HEATR1: variants seen among roughly 807,000 people sequenced by gnomAD.
HEATR1 encodes the protein HEAT repeat-containing protein 1.
HEATR1 carries 77 observed loss-of-function variants against 248.2 expected under a neutral mutation model. That is an observed-to-expected ratio of 0.31 (90% CI 0.26 to 0.37). The LOEUF is 0.37. HEATR1 is among the 10% of genes least tolerant of loss of function. The pLI is 1.00. For missense variants in HEATR1, 2,420 were observed against 2,504.9 expected (o/e 0.97, Z 0.72); for synonymous variants, 897 against 923.1 (o/e 0.97, Z 0.51).
intron 20 of HEATR1, 23 bp from the exon 21 acceptor site, chr1:236,576,972 T>C (rs1364993353): frequency 6.5e-7 from 1 of 1,529,420 alleles, no homozygotes; most frequent in African/African-American, 1.4e-5. Flanking sequence ...GAAAAAAAAA[T>C]TTAAGAAACA....
chr1:236,591,261 T>C (rs561497900), intron 11 of HEATR1, among the ~76,000 whole-genome samples: 1 of 152,298 alleles, frequency 6.6e-6, no homozygotes, highest in South Asian at 2.1e-4. Context: ...TCACCTAAGA[T>C]AAATCCCTGT....
In HEATR1 at chr1:236,559,110, G is replaced by A. The variant is rs771127536; in HGVS notation, c.4796C>T (p.Thr1599Ile). ...DKVNALLPTE[T>I]FIPVIRGLVG... ...CAGCCCTCTGATCACAGGAATGAAT[G>A]TCTCTGTGGGCAGCAAGGCATTGAC... The change falls in exon 35 of 45, where the codon ACA becomes ATA. Residue 1599 changes from threonine to isoleucine, a missense_variant. Coordinates refer to ENST00000366582, the MANE Select transcript of HEATR1 (RefSeq NM_018072.6). 6.2e-7 allele frequency: 1 copy of A among 1,602,400 alleles called. No individual in the cohort carries two copies. The highest frequency in any genetic ancestry group is 1.1e-5 in the South Asian group (1 of 88,942).
chr1:236,586,536 C>G (rs963542287), intron 14 of HEATR1, 84 bp from the exon 15 acceptor site: 1 of 832,672 alleles, frequency 1.2e-6, no homozygotes, highest in East Asian at 2.5e-5. Context: ...ATTACTCCAG[C>G]TTAACTGACA....
chr1:236,558,636 G>C, intron 35 of HEATR1, 107 bp from the exon 36 acceptor site: 1 of 1,108,176 alleles, frequency 9.0e-7, no homozygotes, highest in East Asian at 2.5e-5. Context: ...CAGACTCGGG[G>C]GTCCTGAGTC....
rs764486162 is a variant in HEATR1 at position 236,590,809 on chromosome 1, GA to G, written c.1530+37del. ...TTCAGAATTACACTGCTCATCATAA[GA>G]AAAAAAAACCATATAAAAAAGCGAT... is the stretch of plus-strand genomic sequence containing the variant. On this transcript the variant is annotated intron_variant, in intron 12 of 44. Coordinates refer to ENST00000366582, the MANE Select transcript of HEATR1 (RefSeq NM_018072.6). 68 of 1,098,794 alleles carry G rather than the reference GA, an allele frequency of 6.2e-5. 1 individual carries two copies. Among genetic ancestry groups the G allele is most frequent in the Admixed American group, 2.2e-4 (8 of 36,192 alleles). 68.1% of individuals were successfully genotyped at this position (1,098,794 alleles called of 1,614,324 possible). A position where few individuals can be genotyped will look rare whatever the true frequency, so the allele number is the denominator to read the frequency against.
At chr1:236,577,383 T>G (rs796360238) in intron 20 of HEATR1, among the ~76,000 whole-genome samples, 15 of 152,266 alleles carry the variant, frequency 9.9e-5, no homozygotes, top group African/African-American at 3.4e-4. Context: ...ACTCCTGACC[T>G]CAAGTGAGCC....
rs2103123421 is a variant in HEATR1, at chr1:236,554,721, A to G, written c.5955T>C (p.Pro1985=). The G allele has an allele frequency of 6.2e-7, 1 of 1,612,280 alleles. No homozygotes were observed. The highest frequency in any genetic ancestry group is 1.7e-5 in the Admixed American group (1 of 59,604). The change falls in exon 42 of 45, where the codon CCT becomes CCC. Residue 1985 remains proline (P), a synonymous_variant. Transcript: ENST00000366582. ...ACTGCAACAGCAAGCAGCACTTTTC[A>G]GGGTCATTTTCAGAGTCAAAAAATG... is the stretch of plus-strand genomic sequence containing the variant. ...DEAFFDSEND[P]EKCCLLLQFI...
At chr1:236,576,138 T>C (rs1236300922) in intron 22 of HEATR1, 81 bp downstream of exon 22, 1 of 1,091,126 alleles carries the variant, frequency 9.2e-7, no homozygotes. Context: ...ACTCTTACAA[T>C]TGTCTTCTTC....
intron 17 of HEATR1, among the ~76,000 whole-genome samples, chr1:236,584,535 C>CAA (rs1194956547): frequency 6.6e-6 from 1 of 152,070 alleles, no homozygotes; most frequent in Non-Finnish European, 1.5e-5. Context: ...CTTGCTACCT[C>CAA]AAAACATGTC....
intron 12 of HEATR1, among the ~76,000 whole-genome samples, chr1:236,588,764 T>C (rs1055854703): frequency 6.6e-6 from 1 of 152,058 alleles, no homozygotes; most frequent in Non-Finnish European, 1.5e-5. Flanking sequence ...CTAAATAATA[T>C]AAAAAACATA....
At chr1:236,592,198 T>C in intron 10 of HEATR1, 88 bp from the exon 11 acceptor site, 1 of 729,296 alleles carries the variant, frequency 1.4e-6, no homozygotes, top group Non-Finnish European at 2.2e-6. Flanking sequence ...AGACATAAAA[T>C]CTTAAAAATT....
intron 4 of HEATR1, among the ~76,000 whole-genome samples, chr1:236,598,577 G>A (rs1256799715): frequency 1.3e-5 from 2 of 152,160 alleles, no homozygotes; most frequent in Admixed American, 6.5e-5. Context: ...CAGAGTGAAT[G>A]TTGGGAAGAG....
At chr1:236,587,840 A>G (rs1663935391) in intron 13 of HEATR1, 108 bp downstream of exon 13, 5 of 735,308 alleles carry the variant, frequency 6.8e-6, no homozygotes, top group Non-Finnish European at 1.1e-5. Context: ...CAAATTTCCC[A>G]TGGAAAAATA....
intron 32 of HEATR1, among the ~76,000 whole-genome samples, chr1:236,562,685 C>G (rs929276157): frequency 6.6e-6 from 1 of 152,172 alleles, no homozygotes; most frequent in Non-Finnish European, 1.5e-5. Flanking sequence ...AAAAAGCACA[C>G]TGAGTTTCTA....
chr1:236,583,318 T>G, intron 17 of HEATR1, 122 bp from the exon 18 acceptor site: 1 of 768,864 alleles, frequency 1.3e-6, no homozygotes, highest in Non-Finnish European at 2.1e-6. Flanking sequence ...GGGAAAGGAT[T>G]AACAGAACTG....
intron 33 of HEATR1, among the ~76,000 whole-genome samples, chr1:236,560,210 G>A (rs548154002): frequency 2.7e-3 from 409 of 151,760 alleles, no homozygotes; most frequent in Non-Finnish European, 3.5e-3. Context: ...AGGTGTGTGC[G>A]CGCACACACA....
At position 236,583,130 on chromosome 1, in the gene HEATR1, G is replaced by T; in HGVS notation, c.2308C>A (p.His770Asn). Residue 770 changes from histidine (H) to asparagine (N), a missense_variant, in exon 18 of 45, where the codon CAT (histidine) becomes AAT (asparagine). Transcript: ENST00000366582. Reference sequence around the variant, plus strand: ...GTGCTGTTGAGCTCTTCTACATAATGTGCCCACAGCTCCACTGGGATCCCT... The same window carrying T: ...GTGCTGTTGAGCTCTTCTACATAATTTGCCCACAGCTCCACTGGGATCCCT... ...DRGIPVELWA[H>N]YVEELNSTQR... 1 of 1,613,934 alleles carries T rather than the reference G, an allele frequency of 6.2e-7. No individual in the cohort carries two copies. The highest frequency in any genetic ancestry group is 8.5e-7 in the Non-Finnish European group (1 of 1,179,884).
At chr1:236,562,680 G>T (rs1215771591) in intron 32 of HEATR1, among the ~76,000 whole-genome samples, 1 of 152,114 alleles carries the variant, frequency 6.6e-6, no homozygotes. Context: ...AATTGAAAAA[G>T]CACACTGAGT....
rs767613126 is a variant in HEATR1, at chr1:236,564,657, G to A, written c.4440C>T (p.Thr1480=). 6.2e-7 allele frequency: 1 copy of A among 1,608,820 alleles called. No individual in the cohort carries two copies. The highest frequency in any genetic ancestry group is 2.2e-5 in the East Asian group (1 of 44,792). The change falls in exon 32 of 45, where the codon ACC becomes ACT. Residue 1480 remains threonine, a synonymous_variant. Coordinates refer to ENST00000366582, the MANE Select transcript of HEATR1 (RefSeq NM_018072.6). The part of the protein sequence containing the change: ...LLKLPEEKEE[T]IPKAVSFNKS... ...TATTAAATGACACTGCTTTGGGAATGGTTTCTGAAACAGCAATAAAACAAG... is the reference window on the plus strand; with the variant it reads ...TATTAAATGACACTGCTTTGGGAATAGTTTCTGAAACAGCAATAAAACAAG...
Sources: gnomAD v4.1 joint callset for allele counts (sites outside exome capture counted in the v4.1 genomes callset) on GRCh38, gnomAD v4.1.1 for gene constraint, MANE v1.5 for transcripts, NCBI Gene and HGNC (gene_info 2026-07-23, HGNC 2026-07-21) for gene names.